FANCM: variants seen among roughly 807,000 people sequenced by gnomAD.
FANCM encodes the protein FA complementation group M.
FANCM carries 140 observed loss-of-function variants against 199.5 expected under a neutral mutation model. The ratio of observed to expected loss-of-function variants is 0.70; its 90% CI spans 0.61 to 0.81. FANCM has a LOEUF of 0.81. Ranked by LOEUF, FANCM falls within the 30% of genes least tolerant of loss-of-function variation. FANCM has a pLI of 0.00. For synonymous variants in FANCM, 840 were observed against 836.8 expected (o/e 1.00, Z -0.07); for missense variants, 2,410 against 2,421.4 (o/e 1.00, Z 0.10).
chr14:45,199,854 CT>C lies in FANCM; in HGVS notation c.6009-15del. On this transcript the variant is annotated splice_polypyrimidine_tract_variant and intron_variant, in intron 22 of 22. Coordinates refer to ENST00000267430, the MANE Select transcript of FANCM (RefSeq NM_020937.4). ...AAAAGTCCTAGTGTAATGATTTTGT[CT>C]CATTTATTTTTCAGCTCACTTCAAG... 1 of 1,609,770 alleles carries C rather than the reference CT, an allele frequency of 6.2e-7. No individual in the cohort carries two copies. Among genetic ancestry groups the C allele is most frequent in the East Asian group, 2.2e-5 (1 of 44,582 alleles).
chr14:45,162,095 T>A (rs1445890432), intron 9 of FANCM, among the ~76,000 whole-genome samples: 1 of 152,072 alleles, frequency 6.6e-6, no homozygotes, highest in Non-Finnish European at 1.5e-5. Flanking sequence ...TGGATAAGAC[T>A]GCAGGAAAGG....
chr14:45,145,593 T>A (rs1886305384), intron 3 of FANCM, among the ~76,000 whole-genome samples: 3 of 152,152 alleles, frequency 2.0e-5, no homozygotes, highest in South Asian at 2.1e-4. Flanking sequence ...CCACAGGGCC[T>A]CTGGGGGATG....
chr14:45,155,067 G>C (rs1004057956), intron 7 of FANCM, among the ~76,000 whole-genome samples: 7 of 152,078 alleles, frequency 4.6e-5, no homozygotes, highest in Non-Finnish European at 8.8e-5. Context: ...ACAGATGTTG[G>C]TAATTGTTAG....
Position 45,183,906 on chromosome 14 carries a change from A to T in FANCM, c.4515+4A>T, listed in dbSNP as rs758501982. 13 of 1,606,400 alleles carry T rather than the reference A, an allele frequency of 8.1e-6. No individual in the cohort carries two copies. The highest frequency in any genetic ancestry group is 1.0e-5 in the Non-Finnish European group (12 of 1,174,132). ...AAAGAGACAGAGTCACTTAAAGGTA[A>T]TCTTTTTTTTAGTTTCTTTAAATAT... On this transcript the variant is annotated splice_donor_region_variant and intron_variant, in intron 17 of 22. Transcript: ENST00000267430.
chr14:45,153,933 G>A lies in FANCM; in HGVS notation c.1064G>A (p.Gly355Asp), dbSNP rs1441227418. 4 of 1,609,842 alleles carry A rather than the reference G, an allele frequency of 2.5e-6. No homozygotes were observed. The Admixed American group carries it at 6.7e-5, about 27-fold the overall frequency. The change falls in exon 6 of 23, where the codon GGC (glycine) becomes GAC (aspartate). Residue 355 changes from glycine to aspartate, a missense_variant. By Grantham distance (94) the Gly-to-Asp change is moderately conservative. Coordinates refer to ENST00000267430, the MANE Select transcript of FANCM (RefSeq NM_020937.4). ...CTGTTTTTCTAGGGAATACAACAAG[G>A]CATAATCGAGGGAGAGTTTGCTATT... Reference protein sequence around the residue: ...PSPNIVGIQQGIIEGEFAICI... With the variant: ...PSPNIVGIQQDIIEGEFAICI...
intron 16 of FANCM, among the ~76,000 whole-genome samples, chr14:45,183,122 A>C (rs2139275777): frequency 6.6e-6 from 1 of 152,346 alleles, no homozygotes; most frequent in South Asian, 2.1e-4. Flanking sequence ...TTGTGTACTC[A>C]TATAAGACTT....
In FANCM at chr14:45,200,524, G is replaced by C. The variant is rs1268140225; in HGVS notation, c.*516G>C. On this transcript the variant is annotated 3_prime_UTR_variant, in exon 23 of 23. Coordinates refer to ENST00000267430, the MANE Select transcript of FANCM (RefSeq NM_020937.4). The stretch of plus-strand genomic sequence containing the variant: ...AGAAAACTTAACTGAATGTTTATCT[G>C]ACCAAAGGTGTGTCCCAGTTAAGTA... The C allele has an allele frequency of 1.3e-5, 2 of 152,958 alleles. No individual in the cohort carries two copies. The highest frequency in any genetic ancestry group is 2.4e-5 in the African/African-American group (1 of 41,468). 9.5% of individuals were successfully genotyped at this position (152,958 alleles called of 1,614,324 possible). A position where few individuals can be genotyped will look rare whatever the true frequency, so the allele number is the denominator to read the frequency against.
At position 45,200,568 on chromosome 14, in the gene FANCM, T is replaced by G. The variant is rs915407352; in HGVS notation, c.*560T>G. 6.6e-6 allele frequency: 1 copy of G among 152,494 alleles called. No homozygotes were observed. Among genetic ancestry groups the G allele is most frequent in the African/African-American group, 2.4e-5 (1 of 41,462 alleles). The allele number at this position is 152,494 out of a possible 1,614,324, so 9.4% of individuals were successfully genotyped here. On this transcript the variant is annotated 3_prime_UTR_variant, in exon 23 of 23. Transcript: ENST00000267430. ...TTAAGTACTGTCAAATCTATTAATA[T>G]GAACTCTGATATGGTTTGGCTGTGT...
intron 11 of FANCM, 117 bp downstream of exon 11, chr14:45,167,280 A>T (rs1215431016): frequency 4.2e-6 from 3 of 710,908 alleles, no homozygotes; most frequent in Non-Finnish European, 7.6e-6. Context: ...TTAATATATT[A>T]TAGGCATTCT....
rs554215692 is a variant in FANCM, at chr14:45,192,850, A to T, written c.5341-3322A>T. Among the ~76,000 whole-genome samples, 5 of 152,194 alleles carry T rather than the reference A, an allele frequency of 3.3e-5. No homozygotes were observed. The South Asian group carries it at 8.3e-4, about 25-fold the overall frequency. The stretch of plus-strand genomic sequence containing the variant: ...TCTAAAAAAAAAAAATTAAAAAAAA[A>T]TTTCAGCTAAAACGTTAGTGAATTG... On this transcript the variant is annotated intron_variant, in intron 20 of 22. Transcript: ENST00000267430.
At chr14:45,148,765 A>G in intron 3 of FANCM, 72 bp from the exon 4 acceptor site, 2 of 984,470 alleles carry the variant, frequency 2.0e-6, no homozygotes, top group Non-Finnish European at 3.1e-6. Context: ...CTGCTATTTT[A>G]TTTCTGTTAG....
intron 3 of FANCM, among the ~76,000 whole-genome samples, chr14:45,143,745 G>A (rs1431561314): frequency 6.8e-6 from 1 of 146,984 alleles, no homozygotes; most frequent in Non-Finnish European, 1.5e-5. Flanking sequence ...CCAGGCTGGA[G>A]TGCAGTGGCG....
intron 16 of FANCM, among the ~76,000 whole-genome samples, chr14:45,182,147 C>T (rs753527504): frequency 4.6e-5 from 7 of 152,050 alleles, no homozygotes; most frequent in South Asian, 2.1e-4. Context: ...CCCTTAACCT[C>T]GATCTCGGGA....
At chr14:45,195,709 G>GT in intron 20 of FANCM, 1 of 328,656 alleles carries the variant, frequency 3.0e-6, no homozygotes, top group Non-Finnish European at 6.1e-6. Context: ...AAACATGTTA[G>GT]TTTTTTAAAA....
intron 4 of FANCM, among the ~76,000 whole-genome samples, chr14:45,149,369 C>T (rs1025173199): frequency 6.6e-6 from 1 of 152,058 alleles, no homozygotes; most frequent in South Asian, 2.1e-4. Context: ...AAATTGCACA[C>T]ACCCGTAACA....
At chr14:45,136,635 C>A (rs1311941553) in intron 1 of FANCM, 96 bp downstream of exon 1, 5 of 1,193,180 alleles carry the variant, frequency 4.2e-6, no homozygotes, top group Non-Finnish European at 6.1e-6. Flanking sequence ...TTACGCCCTC[C>A]CTCTTAAAAC....
chr14:45,143,389 A>G (rs1886119052), intron 3 of FANCM, among the ~76,000 whole-genome samples: 1 of 151,820 alleles, frequency 6.6e-6, no homozygotes, highest in South Asian at 2.1e-4. Flanking sequence ...CTGGTCTAGA[A>G]CTACTGGTCT....
intron 20 of FANCM, among the ~76,000 whole-genome samples, chr14:45,194,789 G>T (rs1371244322): frequency 2.0e-5 from 3 of 148,972 alleles, no homozygotes; most frequent in Non-Finnish European, 4.4e-5. Flanking sequence ...GCCAGATATT[G>T]CTAACTTCTC....
intron 11 of FANCM, among the ~76,000 whole-genome samples, chr14:45,167,695 A>ATT (rs566803232): frequency 6.6e-6 from 1 of 152,156 alleles, no homozygotes; most frequent in Non-Finnish European, 1.5e-5. Flanking sequence ...CCTTTCTCAA[A>ATT]TATCTTGAGA....
Sources: allele counts gnomAD v4.1 joint callset (sites outside exome capture counted in the v4.1 genomes callset), GRCh38; gene constraint gnomAD v4.1.1; transcripts MANE v1.5; gene names NCBI Gene and HGNC (gene_info 2026-07-23, HGNC 2026-07-21).